ERC2: variants seen among roughly 807,000 people sequenced by gnomAD.
ERC2 encodes ERC protein 2.
A neutral mutation model predicts 114.8 loss-of-function variants in ERC2; 42 were observed. The ratio of observed to expected loss-of-function variants is 0.37; its 90% confidence interval spans 0.29 to 0.47. The LOEUF (loss-of-function observed/expected upper bound fraction) is 0.47, where lower values mean the gene tolerates loss of function less well. ERC2 is among the 20% of genes least tolerant of loss of function. The pLI, the probability that ERC2 is intolerant of heterozygous loss-of-function variation, is 0.99. For synonymous variants in ERC2, 454 were observed against 425.5 expected (o/e 1.07, Z -0.82); for missense variants, 939 against 1,150.7 (o/e 0.82, Z 2.66).
At chr3:55,545,053 A>G (rs768429132) in intron 17 of ERC2, among the ~76,000 whole-genome samples, 38 of 152,158 alleles carry the variant, frequency 2.5e-4, no homozygotes, top group Non-Finnish European at 4.1e-4. Context: ...CTGTATTGTC[A>G]GTCATCATTT....
intron 17 of ERC2, among the ~76,000 whole-genome samples, chr3:55,554,367 C>T (rs1425710770): frequency 1.3e-5 from 2 of 152,192 alleles, no homozygotes; most frequent in Non-Finnish European, 2.9e-5. Flanking sequence ...TTTATGGGAG[C>T]TGATGACATC....
At chr3:56,079,738 T>C (rs1216401848) in intron 7 of ERC2, among the ~76,000 whole-genome samples, 1 of 152,092 alleles carries the variant, frequency 6.6e-6, no homozygotes, top group Non-Finnish European at 1.5e-5. Context: ...ACCCCCAAAA[T>C]TATGTAATTG....
intron 2 of ERC2, among the ~76,000 whole-genome samples, chr3:56,334,514 C>T (rs2057766827): frequency 6.6e-6 from 1 of 152,194 alleles, no homozygotes; most frequent in Non-Finnish European, 1.5e-5. Context: ...GTAACTAAAA[C>T]TATCCTTACA....
At chr3:56,166,919 T>G (rs1409960091) in intron 4 of ERC2, among the ~76,000 whole-genome samples, 1 of 152,092 alleles carries the variant, frequency 6.6e-6, no homozygotes, top group Admixed American at 6.6e-5. Context: ...ATTATTTCTT[T>G]CTCTCCACCT....
chr3:56,336,315 T>C (rs1009079176), intron 2 of ERC2, among the ~76,000 whole-genome samples: 1 of 152,170 alleles, frequency 6.6e-6, no homozygotes, highest in Non-Finnish European at 1.5e-5. Context: ...GTTTATCAAG[T>C]GTTGTGGTTG....
chr3:56,010,413 A>T, intron 9 of ERC2, 36 bp downstream of exon 9: 1 of 1,604,236 alleles, frequency 6.2e-7, no homozygotes. Context: ...GTTTATGAGG[A>T]CTATCAATGT....
At chr3:56,001,942 T>C (rs998761357) in intron 10 of ERC2, among the ~76,000 whole-genome samples, 1 of 152,172 alleles carries the variant, frequency 6.6e-6, no homozygotes, top group Non-Finnish European at 1.5e-5. Flanking sequence ...CTTATTTGTC[T>C]TTCTTCACAT....
intron 8 of ERC2, among the ~76,000 whole-genome samples, chr3:56,014,502 A>G (rs1011214100): frequency 6.6e-6 from 1 of 152,150 alleles, no homozygotes; most frequent in South Asian, 2.1e-4. Context: ...CTGAGAGAAG[A>G]GGCTTGCCCA....
chr3:56,376,513 C>T (rs2059547015), intron 2 of ERC2, among the ~76,000 whole-genome samples: 1 of 151,748 alleles, frequency 6.6e-6, no homozygotes, highest in East Asian at 1.9e-4. Flanking sequence ...GCCTGTAATC[C>T]TAGCACTTTG....
intron 14 of ERC2, among the ~76,000 whole-genome samples, chr3:55,832,052 G>A (rs1286680045): frequency 6.6e-6 from 1 of 152,244 alleles, no homozygotes; most frequent in African/African-American, 2.4e-5. Context: ...GAGGCTGGGG[G>A]AGGGGCGCCC....
At chr3:55,730,707 C>T (rs374807646) in intron 15 of ERC2, among the ~76,000 whole-genome samples, 10 of 152,024 alleles carry the variant, frequency 6.6e-5, no homozygotes, top group African/African-American at 2.2e-4. Context: ...CCCATTTCTA[C>T]AAAAAAATAC....
intron 6 of ERC2, among the ~76,000 whole-genome samples, chr3:56,108,805 C>T (rs1404342321): frequency 1.3e-5 from 2 of 151,952 alleles, no homozygotes; most frequent in Non-Finnish European, 2.9e-5. Context: ...CTTATCTATC[C>T]AGAACATAAA....
chr3:56,022,072 C>T (rs2073757080), intron 7 of ERC2, among the ~76,000 whole-genome samples: 1 of 152,090 alleles, frequency 6.6e-6, no homozygotes, highest in Non-Finnish European at 1.5e-5. Flanking sequence ...CTTTATATTC[C>T]ACTGGGTATA....
rs554278767 is a variant in ERC2 at position 56,074,967 on chromosome 3, T to C, written c.1641+5850A>G. On this transcript the variant is annotated intron_variant, in intron 7 of 17. Transcript: ENST00000288221. Reference sequence around the variant, plus strand: ...TGCACATTGATCAAGGAGCATCACATGCCAAGAATTTTGCGAGAAGCTGGA... The same window carrying C: ...TGCACATTGATCAAGGAGCATCACACGCCAAGAATTTTGCGAGAAGCTGGA... 3.9e-5 allele frequency among the ~76,000 whole-genome samples: 6 copies of C among 152,304 alleles called. No homozygotes were observed. In the South Asian group the frequency reaches 1.2e-3, roughly 32 times the overall value.
intron 12 of ERC2, among the ~76,000 whole-genome samples, chr3:55,979,940 CTCT>C (rs893664804): frequency 1.7e-4 from 25 of 150,558 alleles, no homozygotes; most frequent in African/African-American, 5.1e-4. Context: ...GAGACCCTAT[CTCT>C]TCTTCTTTTT....
At chr3:56,328,475 A>C (rs979053848) in intron 2 of ERC2, among the ~76,000 whole-genome samples, 1 of 152,230 alleles carries the variant, frequency 6.6e-6, no homozygotes, top group African/African-American at 2.4e-5. Context: ...ACTGAGCTGA[A>C]AATGCATGTG....
chr3:55,589,233 AAGAG>A (rs1553713952), intron 17 of ERC2, among the ~76,000 whole-genome samples: 2 of 148,426 alleles, frequency 1.3e-5, no homozygotes, highest in East Asian at 3.9e-4. Flanking sequence ...AAAAAAAAAA[AAGAG>A]AGAGAGAGAA....
intron 2 of ERC2, among the ~76,000 whole-genome samples, chr3:56,362,419 T>C (rs2058993607): frequency 2.6e-5 from 4 of 152,188 alleles, no homozygotes. Flanking sequence ...AAGATGCTGC[T>C]TTTGCCAGGG....
chr3:56,194,406 G>A (rs1196643472), intron 3 of ERC2, among the ~76,000 whole-genome samples: 1 of 152,090 alleles, frequency 6.6e-6, no homozygotes, highest in South Asian at 2.1e-4. Flanking sequence ...TAAGAGAAAC[G>A]GCAGGCACCA....
Sources: allele counts gnomAD v4.1 joint callset (sites outside exome capture counted in the v4.1 genomes callset), GRCh38; gene constraint gnomAD v4.1.1; transcripts MANE v1.5; gene names NCBI Gene and HGNC (gene_info 2026-07-23, HGNC 2026-07-21).